WDR18: variants seen among roughly 807,000 people sequenced by gnomAD.
The protein encoded by WDR18 is WD repeat-containing protein 18.
A neutral mutation model predicts 49.6 loss-of-function variants in WDR18; 33 were observed. The observed-to-expected ratio is 0.67, with a 90% CI of 0.50 to 0.89. WDR18 has a LOEUF of 0.89. Ranked by LOEUF, WDR18 falls within the 40% of genes least tolerant of loss-of-function variation. The pLI is 0.00. For missense variants in WDR18, 653 were observed against 593.6 expected, an observed-to-expected ratio of 1.10 and a Z score of -1.04; for synonymous variants, 315 against 263.6, an observed-to-expected ratio of 1.19 and a Z score of -1.89.
chr19:991,224 C>T lies in WDR18; in HGVS notation c.807-3C>T. On this transcript the variant is annotated splice_polypyrimidine_tract_variant and splice_region_variant and intron_variant, in intron 6 of 9. Transcript: ENST00000585809. The stretch of plus-strand genomic sequence containing the variant: ...CCCAGGTGACCCCTGTCTGTCTGTC[C>T]AGGAACCAGGTGACTTGCCTGTCAG... 3 of 1,572,806 alleles carry T rather than the reference C, an allele frequency of 1.9e-6. No individual in the cohort carries two copies. Among genetic ancestry groups the T allele is most frequent in the East Asian group, 2.3e-5 (1 of 42,694 alleles).
chr19:990,726 C>T lies in WDR18; in HGVS notation c.598-126C>T, dbSNP rs563261262. 1.5e-4 allele frequency: 204 copies of T among 1,382,970 alleles called. No homozygotes were observed. The African/African-American group carries it at 2.7e-3, about 18-fold the overall frequency. 85.7% of individuals were successfully genotyped at this position (1,382,970 alleles called of 1,614,324 possible). A position where few individuals can be genotyped will look rare whatever the true frequency, so the allele number is the denominator to read the frequency against. ...CCAAGACCCACATGGTGACGGCTTT[C>T]ACCCAAAGTCGCAAGCCCTAGGGCC... On this transcript the variant is annotated intron_variant, in intron 4 of 9. Coordinates refer to ENST00000585809, the MANE Select transcript of WDR18 (RefSeq NM_024100.4).
Position 985,976 on chromosome 19 carries a change from G to A in WDR18, c.321+1G>A, listed in dbSNP as rs1171399182. On this transcript the variant is annotated splice_donor_variant, in intron 2 of 9. Coordinates refer to ENST00000585809, the MANE Select transcript of WDR18 (RefSeq NM_024100.4). LOFTEE classifies it high-confidence loss of function. ...TGCAGAAAGCATCCACCTGTGGGAG[G>A]TAAGAGGAGCAAAGCGTGAGCGTTT... The A allele has an allele frequency of 6.2e-7, 1 of 1,613,356 alleles. No individual in the cohort carries two copies. Among genetic ancestry groups the A allele is most frequent in the African/African-American group, 1.3e-5 (1 of 75,060 alleles).
At chr19:993,894 G>A in intron 8 of WDR18, 126 bp from the exon 9 acceptor site, 2 of 1,046,714 alleles carry the variant, frequency 1.9e-6, no homozygotes, top group Non-Finnish European at 2.8e-6. Context: ...CTTCCCTTCT[G>A]TCTGTGGGCG....
chr19:985,105 G>T (rs2038461990), intron 1 of WDR18, among the ~76,000 whole-genome samples: 1 of 152,184 alleles, frequency 6.6e-6, no homozygotes, highest in African/African-American at 2.4e-5. Context: ...GAGATCTCTT[G>T]GGACTGGCTC....
chr19:988,624 C>T (rs757350064), intron 2 of WDR18, among the ~76,000 whole-genome samples: 1 of 152,196 alleles, frequency 6.6e-6, no homozygotes, highest in Non-Finnish European at 1.5e-5. Flanking sequence ...AACAGAAACT[C>T]GGCCCCCATC....
rs749695870 is a variant in WDR18 at position 991,995 on chromosome 19, C to T, written c.972C>T (p.Ser324=). 1.9e-6 allele frequency: 3 copies of T among 1,597,918 alleles called. No homozygotes were observed. Among genetic ancestry groups the T allele is most frequent in the African/African-American group, 1.4e-5 (1 of 73,712 alleles). The change falls in exon 8 of 10, where the codon AGC becomes AGT. Residue 324 remains serine (S), a synonymous_variant. Coordinates refer to ENST00000585809, the MANE Select transcript of WDR18 (RefSeq NM_024100.4). The part of the protein sequence containing the change: ...TNAAILLAPV[S]MLSSDFRPSL... ...CCGCCATCCTGCTGGCGCCCGTCAG[C>T]ATGCTGAGCTCAGACTTCAGGCCCA...
upstream of WDR18, chr19:984,269 G>T: frequency 7.5e-6 from 10 of 1,333,394 alleles, no homozygotes; most frequent in Non-Finnish European, 8.8e-6. Flanking sequence ...CGCTGGGGCC[G>T]CGGGGCCGCC....
intron 2 of WDR18, among the ~76,000 whole-genome samples, chr19:987,911 T>C (rs1599444858): frequency 6.8e-6 from 1 of 147,060 alleles, no homozygotes; most frequent in East Asian, 2.1e-4. Context: ...CTCAGATCAC[T>C]GCAACCTCAG....
chr19:993,430 C>G (rs79454716), intron 8 of WDR18, among the ~76,000 whole-genome samples: 4,361 of 152,340 alleles, frequency 0.029, 114 homozygotes, highest in South Asian at 0.089. Flanking sequence ...CCCTTCCTCC[C>G]GTGACGGCTG....
In WDR18 at chr19:994,060, A is replaced by G. The variant is rs2038597151; in HGVS notation, c.1139A>G (p.Gln380Arg). 1 of 1,560,422 alleles carries G rather than the reference A, an allele frequency of 6.4e-7. No homozygotes were observed. The highest frequency in any genetic ancestry group is 1.2e-5 in the South Asian group (1 of 84,854). Residue 380 changes from glutamine (Q) to arginine (R), a missense_variant, in exon 9 of 10, where the codon CAG becomes CGG. Coordinates refer to ENST00000585809, the MANE Select transcript of WDR18 (RefSeq NM_024100.4). ...PSYLDRTEQL[Q>R]AVLCSTMEKS... ...TACCTGGACCGCACGGAGCAGCTGC[A>G]GGCCGTCCTGTGCAGCACCATGGAG...
chr19:994,230 G>C lies in WDR18; in HGVS notation c.1185G>C (p.Gln395His). The C allele has an allele frequency of 6.2e-7, 1 of 1,605,680 alleles. No homozygotes were observed. Among genetic ancestry groups the C allele is most frequent in the East Asian group, 2.2e-5 (1 of 44,652 alleles). ...TCCCGCAGAGCGTGCTCGGCGGCCAGGACCAGCTGCGCGTCCGTGTGACGG... is the reference window on the plus strand; with the variant it reads ...TCCCGCAGAGCGTGCTCGGCGGCCACGACCAGCTGCGCGTCCGTGTGACGG... ...STMEKSVLGG[Q>H]DQLRVRVTEL... The change falls in exon 10 of 10, where the codon CAG becomes CAC. Residue 395 changes from glutamine (Q) to histidine (H), a missense_variant. By Grantham distance (24) the Gln-to-His change is conservative (BLOSUM62 0). Coordinates refer to ENST00000585809, the MANE Select transcript of WDR18 (RefSeq NM_024100.4).
intron 1 of WDR18, among the ~76,000 whole-genome samples, chr19:985,142 C>T (rs2038462253): frequency 6.6e-6 from 1 of 152,168 alleles, no homozygotes. Context: ...CTGATGGAGT[C>T]TACACACAAC....
At position 991,079 on chromosome 19, in the gene WDR18, AG is replaced by A. The variant is rs1459653841; in HGVS notation, c.742-1del. 3 of 1,604,222 alleles carry A rather than the reference AG, an allele frequency of 1.9e-6. No homozygotes were observed. The highest frequency in any genetic ancestry group is 2.6e-6 in the Non-Finnish European group (3 of 1,175,792). ...GGCTCACACACGTCTCGGCCTTCGCAGCCCGGACAGAGGGAGAGGAGCTTCC... is the reference window on the plus strand; with the variant it reads ...GGCTCACACACGTCTCGGCCTTCGCACCCGGACAGAGGGAGAGGAGCTTCC... On this transcript the variant is annotated splice_acceptor_variant, in intron 5 of 9. Transcript: ENST00000585809. LOFTEE classifies it high-confidence loss of function.
upstream of WDR18, among the ~76,000 whole-genome samples, chr19:982,984 C>G (rs1247491483): frequency 6.6e-6 from 1 of 152,210 alleles, no homozygotes; most frequent in Non-Finnish European, 1.5e-5. Context: ...CGCACCGCCT[C>G]CGGGGACCGC....
intron 1 of WDR18, among the ~76,000 whole-genome samples, 162 bp downstream of exon 1, chr19:984,725 G>T (rs1041870623): frequency 2.6e-5 from 4 of 151,990 alleles, no homozygotes; most frequent in Non-Finnish European, 5.9e-5. Context: ...GGGGGCTTTG[G>T]GGAGATACGT....
chr19:991,033 G>A, intron 5 of WDR18, 38 bp downstream of exon 5: 1 of 1,599,622 alleles, frequency 6.3e-7, no homozygotes, highest in East Asian at 2.2e-5. Flanking sequence ...CCTGCCCTGG[G>A]GCTGAGGGCA....
At chr19:984,622 A>T (rs1406573058) in intron 1 of WDR18, 59 bp downstream of exon 1, 3 of 1,356,404 alleles carry the variant, frequency 2.2e-6, no homozygotes, top group Non-Finnish European at 2.9e-6. Context: ...AAGTCGGGGG[A>T]TGGGTTGGTG....
chr19:994,019 G>C lies in WDR18; in HGVS notation c.1099-1G>C. 6 of 1,553,392 alleles carry C rather than the reference G, an allele frequency of 3.9e-6. No homozygotes were observed. Among genetic ancestry groups the C allele is most frequent in the Non-Finnish European group, 5.2e-6 (6 of 1,149,220 alleles). On this transcript the variant is annotated splice_acceptor_variant, in intron 8 of 9. Transcript: ENST00000585809. LOFTEE classifies it high-confidence loss of function. The stretch of plus-strand genomic sequence containing the variant: ...AGGTCACGTGGCTCCCTGTGTTACA[G>C]GGCTCGGAGCCCAGCTACCTGGACC...
At chr19:985,996 G>GCAAA (rs748007587) in intron 2 of WDR18, 21 bp downstream of exon 2, 9 of 1,610,290 alleles carry the variant, frequency 5.6e-6, no homozygotes, top group Non-Finnish European at 6.8e-6. Context: ...CAAAGCGTGA[G>GCAAA]CGTTTCCCAC....
Sources: allele counts gnomAD v4.1 joint callset (sites outside exome capture counted in the v4.1 genomes callset), GRCh38; gene constraint gnomAD v4.1.1; transcripts MANE v1.5; gene names NCBI Gene and HGNC (gene_info 2026-07-23, HGNC 2026-07-21).